Variants in TUSC3 observed in about 807,000 individuals in gnomAD.
TUSC3 encodes the protein dolichyl-diphosphooligosaccharide--protein glycosyltransferase subunit TUSC3.
In TUSC3, 45 loss-of-function variants were observed where a neutral mutation model predicts 44.8. The observed-to-expected ratio is 1.00, with a 90% CI of 0.79 to 1.29. The LOEUF (loss-of-function observed/expected upper bound fraction) is 1.29, where lower values mean the gene tolerates loss of function less well. Ranked by LOEUF, TUSC3 falls within the 50% of genes most tolerant of loss-of-function variation. The pLI is 0.00. For synonymous variants in TUSC3, 212 were observed against 152.9 expected, an observed-to-expected ratio of 1.39 and a Z score of -2.85; for missense variants, 519 against 437.9, an observed-to-expected ratio of 1.19 and a Z score of -1.65.
chr8:15,724,944 CAAG>C (rs962894597), intron 6 of TUSC3, among the ~76,000 whole-genome samples: 10 of 152,092 alleles, frequency 6.6e-5, no homozygotes, highest in Non-Finnish European at 1.0e-4. Context: ...TTTTAAAATG[CAAG>C]AAGAAGGGAC....
chr8:15,850,079 G>A, the TUSC3 span, among the ~76,000 whole-genome samples: 2 of 150,056 alleles, frequency 1.3e-5, no homozygotes, highest in African/African-American at 4.9e-5. Context: ...AGCTCTGACA[G>A]TGATTTATCA....
chr8:15,482,389 G>T (rs2129124571), intron 1 of TUSC3, among the ~76,000 whole-genome samples: 1 of 152,232 alleles, frequency 6.6e-6, no homozygotes, highest in East Asian at 1.9e-4. Flanking sequence ...CTCCTAGAAG[G>T]TTTTCAATAT....
At chr8:15,609,100 C>T (rs1261289614) in intron 1 of TUSC3, among the ~76,000 whole-genome samples, 1 of 152,166 alleles carries the variant, frequency 6.6e-6, no homozygotes, top group Non-Finnish European at 1.5e-5. Context: ...GTAAGCGTTA[C>T]ATATTTTAGT....
chr8:15,838,462 C>T, the TUSC3 span, among the ~76,000 whole-genome samples: 1 of 152,144 alleles, frequency 6.6e-6, no homozygotes, highest in Non-Finnish European at 1.5e-5. Context: ...CATTACCCCT[C>T]TTTTCAGAGT....
At chr8:15,725,785 G>A (rs1465284526) in intron 6 of TUSC3, among the ~76,000 whole-genome samples, 1 of 152,138 alleles carries the variant, frequency 6.6e-6, no homozygotes, top group Admixed American at 6.6e-5. Flanking sequence ...TGAAACCCAG[G>A]ACAGAGAATT....
At position 15,662,030 on chromosome 8, in the gene TUSC3, C is replaced by T. The variant is rs1000531310; in HGVS notation, c.568-126C>T. ...GGCAGAATGAAAGTAGTGCTAGTGT[C>T]ACGTATGAAAAGTTGGGTGGCATGT... is the stretch of plus-strand genomic sequence containing the variant. On this transcript the variant is annotated intron_variant, in intron 4 of 10. Coordinates refer to ENST00000503731, the MANE Select transcript of TUSC3 (RefSeq NM_006765.4). 5.0e-6 allele frequency: 5 copies of T among 1,004,036 alleles called. No individual in the cohort carries two copies. The Admixed American group carries it at 1.0e-4, about 20-fold the overall frequency. 62.2% of individuals were successfully genotyped at this position (1,004,036 alleles called of 1,614,324 possible).
At chr8:15,561,342 G>C (rs1177296790) in intron 1 of TUSC3, among the ~76,000 whole-genome samples, 1 of 145,702 alleles carries the variant, frequency 6.9e-6, no homozygotes, top group Non-Finnish European at 1.5e-5. Flanking sequence ...GGACCCACTT[G>C]AGGAGGCAGT....
In TUSC3 at chr8:15,619,789, C is replaced by T. The variant is rs188202815; in HGVS notation, c.139-3291C>T. Reference sequence around the variant, plus strand: ...CCTCCCAAAGTGCTGGGATTACAGGCGTGAGCCACCGTGCCCGGCCTATTC... The same window carrying T: ...CCTCCCAAAGTGCTGGGATTACAGGTGTGAGCCACCGTGCCCGGCCTATTC... On this transcript the variant is annotated intron_variant, in intron 1 of 10. Coordinates refer to ENST00000503731, the MANE Select transcript of TUSC3 (RefSeq NM_006765.4). Among the ~76,000 whole-genome samples, 713 of 152,242 alleles carry T rather than the reference C, an allele frequency of 4.7e-3. 3 individuals carry two copies. Among genetic ancestry groups the T allele is most frequent in the African/African-American group, 0.015 (619 of 41,546 alleles).
chr8:15,617,139 T>TGTGTGTGTGTGTGTGTG (rs772712798), intron 1 of TUSC3, among the ~76,000 whole-genome samples: 3 of 60,190 alleles, frequency 5.0e-5, no homozygotes, highest in Non-Finnish European at 7.1e-5. Flanking sequence ...TGTGTATATA[T>TGTGTGTGTGTGTGTGTG]TTTTTTTTTT....
intron 1 of TUSC3, among the ~76,000 whole-genome samples, chr8:15,439,612 C>G (rs763381888): frequency 3.7e-4 from 56 of 152,172 alleles, no homozygotes; most frequent in Non-Finnish European, 1.2e-4. Context: ...GGAAGTCATA[C>G]ACAACACTGT....
At chr8:15,594,564 A>T (rs1051076009) in intron 1 of TUSC3, among the ~76,000 whole-genome samples, 2 of 152,144 alleles carry the variant, frequency 1.3e-5, no homozygotes, top group Non-Finnish European at 2.9e-5. Flanking sequence ...TAAGTTCTTG[A>T]TTATAAGATT....
intron 3 of TUSC3, among the ~76,000 whole-genome samples, chr8:15,656,960 G>A (rs116554001): frequency 0.033 from 5,034 of 152,192 alleles, 245 homozygotes; most frequent in African/African-American, 0.11. Context: ...CTTGATCCTT[G>A]GTGAGGGCAG....
At chr8:15,478,725 A>G (rs977531065) in intron 1 of TUSC3, among the ~76,000 whole-genome samples, 1 of 152,158 alleles carries the variant, frequency 6.6e-6, no homozygotes, top group Non-Finnish European at 1.5e-5. Context: ...TATTGTGAAT[A>G]GTGCTGCAAA....
chr8:15,565,166 C>CTT (rs374023591), intron 1 of TUSC3, among the ~76,000 whole-genome samples: 2,190 of 141,636 alleles, frequency 0.015, 28 homozygotes, highest in Non-Finnish European at 0.024. Context: ...TGAGGGGAGC[C>CTT]TTTTTTTTTT....
intron 1 of TUSC3, among the ~76,000 whole-genome samples, chr8:15,549,358 GA>G (rs1193554734): frequency 6.6e-6 from 1 of 151,366 alleles, no homozygotes; most frequent in Non-Finnish European, 1.5e-5. Context: ...ATTTTTAGTA[GA>G]GGCTGGGTTT....
the TUSC3 span, among the ~76,000 whole-genome samples, chr8:15,828,948 C>A: frequency 6.6e-6 from 1 of 152,112 alleles, no homozygotes; most frequent in African/African-American, 2.4e-5. Context: ...ATTTAAATGG[C>A]ACTTTCCTCT....
At chr8:15,500,790 G>A (rs543021945) in intron 2 of TUSC3, among the ~76,000 whole-genome samples, 22 of 152,206 alleles carry the variant, frequency 1.4e-4, no homozygotes, top group Admixed American at 7.8e-4. Context: ...AAAGTCCCAT[G>A]ATTTATTTTC....
chr8:15,628,125 A>AT (rs1299932806), intron 2 of TUSC3, among the ~76,000 whole-genome samples: 1 of 152,252 alleles, frequency 6.6e-6, no homozygotes, highest in Non-Finnish European at 1.5e-5. Flanking sequence ...TACTGTAAAT[A>AT]TTTTAAGAAA....
intron 2 of TUSC3, among the ~76,000 whole-genome samples, chr8:15,491,488 A>G (rs186794561): frequency 8.6e-4 from 131 of 151,892 alleles, no homozygotes; most frequent in African/African-American, 3.1e-3. Context: ...TTGTAAATCT[A>G]CCCAAAGGTT....
Sources: allele counts gnomAD v4.1 joint callset (sites outside exome capture counted in the v4.1 genomes callset), GRCh38; gene constraint gnomAD v4.1.1; transcripts MANE v1.5; gene names NCBI Gene and HGNC (gene_info 2026-07-23, HGNC 2026-07-21).